Variants in SLC5A10 observed in about 807,000 individuals in gnomAD.
The protein encoded by SLC5A10 is sodium/mannose cotransporter SLC5A10.
Under a neutral mutation model 68.9 loss-of-function variants are expected in SLC5A10, and 55 were observed. The ratio of observed to expected loss-of-function variants is 0.80; its 90% CI spans 0.64 to 1.00. The LOEUF (loss-of-function observed/expected upper bound fraction) is 1.00, where lower values mean the gene tolerates loss of function less well. SLC5A10 is among the 50% of genes least tolerant of loss of function. The probability of loss-of-function intolerance (pLI) is 0.00; values close to 1 mark genes in which losing one functional copy is unlikely to be tolerated. For missense variants in SLC5A10, 732 were observed against 819.3 expected (o/e 0.89, Z 1.30); for synonymous variants, 344 against 344.8 (o/e 1.00, Z 0.02).
rs188747641 is a variant in SLC5A10, at chr17:19,020,685, A to G, written c.*254A>G. On this transcript the variant is annotated 3_prime_UTR_variant, in exon 15 of 15. Transcript: ENST00000395645. ...AAGGAAAATTAGATTTCTGACGGAC[A>G]TCCTGATGTTGGTTTTACTGTTTTC... 6 of 539,928 alleles carry G rather than the reference A, an allele frequency of 1.1e-5. No individual in the cohort carries two copies. Among genetic ancestry groups the G allele is most frequent in the African/African-American group, 7.6e-5 (4 of 52,902 alleles). The allele number at this position is 539,928 out of a possible 1,614,324, so 33.4% of individuals were successfully genotyped here. A position where few individuals can be genotyped will look rare whatever the true frequency, so the allele number is the denominator to read the frequency against.
intron 9 of SLC5A10, chr17:18,988,546 C>T (rs777364364): frequency 3.5e-5 from 51 of 1,442,818 alleles, no homozygotes; most frequent in Admixed American, 1.1e-4. Context: ...CTCCTGGAGC[C>T]TCAGGCCCGG....
rs955245807 is a variant in SLC5A10, at chr17:18,996,843, G to A, written c.983-16567G>A. On this transcript the variant is annotated intron_variant, in intron 9 of 14. Coordinates refer to ENST00000395645, the MANE Select transcript of SLC5A10 (RefSeq NM_001042450.4). The surrounding 1 kb of genome is among the most constrained non-coding windows in gnomAD (Gnocchi z 4.4). ...TGAACCCACCCACAGCCTCCCAGAG[G>A]CCACCTCAGCTCTTGAAAGAAATAC... Among the ~76,000 whole-genome samples, 3 of 152,172 alleles carry A rather than the reference G, an allele frequency of 2.0e-5. No individual in the cohort carries two copies. Among genetic ancestry groups the A allele is most frequent in the Admixed American group, 6.5e-5 (1 of 15,282 alleles).
In SLC5A10 at chr17:19,010,065, G is replaced by A. The variant is rs532325444; in HGVS notation, c.983-3345G>A. Among the ~76,000 whole-genome samples, 3 of 152,204 alleles carry A rather than the reference G, an allele frequency of 2.0e-5. No individual in the cohort carries two copies. The South Asian group carries it at 6.2e-4, about 32-fold the overall frequency. On this transcript the variant is annotated intron_variant, in intron 9 of 14. Transcript: ENST00000395645. ...GGCCGAGCGAGGTGGCCATAGCAAG[G>A]GGTGTGGGAGGGCCTTAATTGGAGC...
At chr17:18,966,633 C>T (rs1305049168) in intron 5 of SLC5A10, among the ~76,000 whole-genome samples, 2 of 151,700 alleles carry the variant, frequency 1.3e-5, no homozygotes. Context: ...ACCTGTAATC[C>T]CAGCTACTCA....
intron 9 of SLC5A10, among the ~76,000 whole-genome samples, chr17:18,985,827 C>T (rs998830196): frequency 1.8e-4 from 28 of 152,182 alleles, no homozygotes; most frequent in Non-Finnish European, 3.8e-4. Context: ...GTGCCAGCTG[C>T]CTTCCAGCTG....
In SLC5A10 at chr17:19,017,695, G is replaced by A. The variant is rs901403144; in HGVS notation, c.1242-1728G>A. The A allele has an allele frequency of 6.4e-5, 22 of 344,634 alleles. No individual in the cohort carries two copies. The highest frequency in any genetic ancestry group is 3.8e-4 in the Admixed American group (9 of 23,526). 21.3% of individuals were successfully genotyped at this position (344,634 alleles called of 1,614,324 possible). On this transcript the variant is annotated intron_variant, in intron 11 of 14. Coordinates refer to ENST00000395645, the MANE Select transcript of SLC5A10 (RefSeq NM_001042450.4). The surrounding 1 kb of genome is among the most constrained non-coding windows in gnomAD (Gnocchi z 5.6). ...GTCTGTGTTCCCGGCTGTTCAGTCC[G>A]TAAATGGGGCCCACAGCCTCCTGGA...
intron 1 of SLC5A10, among the ~76,000 whole-genome samples, chr17:18,953,379 G>T (rs892344665): frequency 6.6e-6 from 1 of 151,956 alleles, no homozygotes; most frequent in Non-Finnish European, 1.5e-5. Context: ...TGATTTGCCC[G>T]CCTCGGCCTC....
At position 18,976,861 on chromosome 17, in the gene SLC5A10, T is replaced by C. The variant is rs1461273866; in HGVS notation, c.854T>C (p.Val285Ala). 1 of 1,613,294 alleles carries C rather than the reference T, an allele frequency of 6.2e-7. No individual in the cohort carries two copies. The highest frequency in any genetic ancestry group is 8.5e-7 in the Non-Finnish European group (1 of 1,180,000). ...CTCGCACTCCACCCCCAGGTCATCG[T>C]GCAGCGATCACTGTCAGCCCGGGAC... ...TWYWCTDQVI[V>A]QRSLSARDLN... The change falls in exon 9 of 15, where the codon GTG (valine) becomes GCG (alanine). Residue 285 changes from valine to alanine, a missense_variant. Coordinates refer to ENST00000395645, the MANE Select transcript of SLC5A10 (RefSeq NM_001042450.4).
chr17:19,017,343 A>G lies in SLC5A10; in HGVS notation c.1242-2080A>G, dbSNP rs2044161619. 1 of 1,551,866 alleles carries G rather than the reference A, an allele frequency of 6.4e-7. No individual in the cohort carries two copies. The highest frequency in any genetic ancestry group is 1.4e-5 in the African/African-American group (1 of 73,036). On this transcript the variant is annotated intron_variant, in intron 11 of 14. Coordinates refer to ENST00000395645, the MANE Select transcript of SLC5A10 (RefSeq NM_001042450.4). This position sits in a 1 kb window ranked among gnomAD's most constrained non-coding sequence, Gnocchi z 5.6. ...AGCCGTCTCAGCTTCCTCCTGCCCG[A>G]AACACCACCATTGGAGCGGTATCTC...
Position 18,968,838 on chromosome 17 carries a change from C to G in SLC5A10, c.454-214C>G, listed in dbSNP as rs537020289. 5.2e-6 allele frequency: 3 copies of G among 573,828 alleles called. No individual in the cohort carries two copies. Among genetic ancestry groups the G allele is most frequent in the Non-Finnish European group, 9.3e-6 (3 of 323,246 alleles). The allele number at this position is 573,828 out of a possible 1,614,324, so 35.5% of individuals were successfully genotyped here. On this transcript the variant is annotated intron_variant, in intron 5 of 14. Coordinates refer to ENST00000395645, the MANE Select transcript of SLC5A10 (RefSeq NM_001042450.4). This position sits in a 1 kb window ranked among gnomAD's most constrained non-coding sequence, Gnocchi z 4.1. ...TGGACTTTATTAGCAACAGTAATGT[C>G]CCCTGACATCCGCACAAGCTTGTAG...
chr17:18,987,872 A>T (rs138964242), intron 9 of SLC5A10, among the ~76,000 whole-genome samples: 2 of 152,348 alleles, frequency 1.3e-5, no homozygotes, highest in Admixed American at 6.5e-5. Context: ...GAAGCTCTCC[A>T]GAAAGGCCAC....
intron 5 of SLC5A10, among the ~76,000 whole-genome samples, chr17:18,963,677 G>A (rs993316410): frequency 1.3e-5 from 2 of 152,248 alleles, no homozygotes; most frequent in South Asian, 2.1e-4. Flanking sequence ...GCCACTGCCC[G>A]TGTGGACAGA....
At chr17:18,995,807 C>T (rs942534046) in intron 9 of SLC5A10, among the ~76,000 whole-genome samples, 1 of 151,780 alleles carries the variant, frequency 6.6e-6, no homozygotes, top group African/African-American at 2.4e-5. Context: ...ACTTGGGAGG[C>T]TGAGGCAGGA....
intron 11 of SLC5A10, among the ~76,000 whole-genome samples, chr17:19,015,833 C>T (rs946841202): frequency 1.6e-4 from 24 of 152,190 alleles, no homozygotes; most frequent in Non-Finnish European, 2.9e-4. Flanking sequence ...GAGACCTCCC[C>T]GACACCCTTC....
chr17:18,981,770 C>T (rs1258621961), intron 9 of SLC5A10, among the ~76,000 whole-genome samples: 3 of 152,236 alleles, frequency 2.0e-5, no homozygotes, highest in Non-Finnish European at 4.4e-5. Flanking sequence ...CCCTCGCCGG[C>T]CCCCCACCCC....
chr17:19,020,315 C>A lies in SLC5A10; in HGVS notation c.1685-10C>A, dbSNP rs773049829. 10 of 1,613,954 alleles carry A rather than the reference C, an allele frequency of 6.2e-6. No individual in the cohort carries two copies. In the South Asian group the frequency reaches 6.6e-5, roughly 11 times the overall value. On this transcript the variant is annotated splice_polypyrimidine_tract_variant and intron_variant, in intron 14 of 14. Transcript: ENST00000395645. The stretch of plus-strand genomic sequence containing the variant: ...TTCATCTGTCCCTCTCCTTCTGCAA[C>A]CCCCTCCAGGTGATGGCCAAACACC...
At chr17:18,964,738 G>C (rs1292517337) in intron 5 of SLC5A10, among the ~76,000 whole-genome samples, 1 of 152,206 alleles carries the variant, frequency 6.6e-6, no homozygotes, top group Non-Finnish European at 1.5e-5. Context: ...GGGTGTCTAG[G>C]GATATGGAGG....
intron 8 of SLC5A10, 132 bp from the exon 9 acceptor site, chr17:18,976,722 T>C: frequency 8.3e-7 from 1 of 1,212,018 alleles, no homozygotes; most frequent in Non-Finnish European, 1.1e-6. Context: ...TGAGTGTGGC[T>C]GTTTTGGGCA....
At position 19,020,578 on chromosome 17, in the gene SLC5A10, G is replaced by A; in HGVS notation, c.*147G>A. The A allele has an allele frequency of 3.0e-6, 2 of 674,482 alleles. No homozygotes were observed. Among genetic ancestry groups the A allele is most frequent in the Non-Finnish European group, 2.5e-6 (1 of 404,954 alleles). The allele number at this position is 674,482 out of a possible 1,614,324, so 41.8% of individuals were successfully genotyped here. A position where few individuals can be genotyped will look rare whatever the true frequency, so the allele number is the denominator to read the frequency against. ...CCCAAGAACTGGCCAAGCCAGCAAA[G>A]CGGGAGCCCTGAAAAATTAGGGGGG... On this transcript the variant is annotated 3_prime_UTR_variant, in exon 15 of 15. Transcript: ENST00000395645.
Sources: allele counts gnomAD v4.1 joint callset (sites outside exome capture counted in the v4.1 genomes callset), GRCh38; gene constraint gnomAD v4.1.1; non-coding constraint Gnocchi (gnomAD v3.1); transcripts MANE v1.5; gene names NCBI Gene and HGNC (gene_info 2026-07-23, HGNC 2026-07-21).